The following FOXP1 variants were observed in gnomAD, a reference collection of about 807,000 sequenced individuals.
FOXP1 encodes forkhead box P1.
A neutral mutation model predicts 98.2 loss-of-function variants in FOXP1; 15 were observed. The ratio of observed to expected loss-of-function variants is 0.15; its 90% confidence interval spans 0.10 to 0.24. The LOEUF is 0.24. Among genes scored for constraint, FOXP1 ranks in the 10% least tolerant of loss-of-function variants. FOXP1 has a pLI of 1.00. For synonymous variants in FOXP1, 371 were observed against 314.5 expected (o/e 1.18, Z -1.90); for missense variants, 633 against 848.5 (o/e 0.75, Z 3.15).
chr3:71,354,839 T>C (rs1290385048), intron 4 of FOXP1, among the ~76,000 whole-genome samples: 1 of 152,136 alleles, frequency 6.6e-6, no homozygotes, highest in Non-Finnish European at 1.5e-5. Context: ...AGTGGCTAGG[T>C]AATGCTATTA....
At chr3:71,308,397 G>A (rs2107607308) in intron 4 of FOXP1, among the ~76,000 whole-genome samples, 1 of 152,234 alleles carries the variant, frequency 6.6e-6, no homozygotes, top group East Asian at 1.9e-4. Context: ...GTCCAGATGG[G>A]GACCTTCTAA....
Position 71,001,173 on chromosome 3 carries a change from T to C in FOXP1, c.975-114A>G, listed in dbSNP as rs1313721074. On this transcript the variant is annotated intron_variant, in intron 12 of 20. Coordinates refer to ENST00000649528, the MANE Select transcript of FOXP1 (RefSeq NM_001349338.3). ...AGCGGGTCTAGCTCCCAGGAGATAG[T>C]AGTCCAGGGGGTGGCCTGTCCTTTC... The C allele has an allele frequency of 1.5e-5, 11 of 756,654 alleles. No individual in the cohort carries two copies. The Admixed American group carries it at 2.2e-4, about 15-fold the overall frequency. 46.9% of individuals were successfully genotyped at this position (756,654 alleles called of 1,614,324 possible). A position where few individuals can be genotyped will look rare whatever the true frequency, so the allele number is the denominator to read the frequency against.
At chr3:71,053,517 G>C in intron 8 of FOXP1, 119 bp downstream of exon 8, 2 of 1,249,612 alleles carry the variant, frequency 1.6e-6, no homozygotes, top group Non-Finnish European at 2.3e-6. Flanking sequence ...CCCCACCCAC[G>C]CTGCTTTACT....
rs559622869 is a variant in FOXP1, at chr3:71,182,109, T to C, written c.180+16093A>G. ...TTTTAAAAATCCATACTCTTTTTAT[T>C]GACAGGAAAGTGATTTTTGTCACAA... On this transcript the variant is annotated intron_variant, in intron 6 of 20. Coordinates refer to ENST00000649528, the MANE Select transcript of FOXP1 (RefSeq NM_001349338.3). Among the ~76,000 whole-genome samples the C allele has an allele frequency of 9.2e-5, 14 of 152,250 alleles. 1 individual carries two copies. The South Asian group carries it at 2.9e-3, about 32-fold the overall frequency.
chr3:71,472,799 T>C (rs1420822018), intron 3 of FOXP1, among the ~76,000 whole-genome samples: 1 of 152,234 alleles, frequency 6.6e-6, no homozygotes, highest in Non-Finnish European at 1.5e-5. Context: ...GTCTACATAT[T>C]AACCCCACTT....
intron 13 of FOXP1, among the ~76,000 whole-genome samples, chr3:70,995,846 C>A (rs2041284538): frequency 6.6e-6 from 1 of 152,186 alleles, no homozygotes; most frequent in Non-Finnish European, 1.5e-5. Context: ...CATAAACATT[C>A]TTTCTACCGC....
chr3:71,202,606 C>A (rs553969894), intron 5 of FOXP1, among the ~76,000 whole-genome samples: 1 of 152,136 alleles, frequency 6.6e-6, no homozygotes, highest in Non-Finnish European at 1.5e-5. Flanking sequence ...AAAGCTCAAT[C>A]GGTTAAGGGA....
At chr3:71,285,942 T>C (rs9882424) in intron 5 of FOXP1, among the ~76,000 whole-genome samples, 5,242 of 152,310 alleles carry the variant, frequency 0.034, 299 homozygotes, top group African/African-American at 0.12. Flanking sequence ...TAAAGTCATG[T>C]ATCACTTCAC....
intron 9 of FOXP1, among the ~76,000 whole-genome samples, chr3:71,047,341 C>T (rs550859702): frequency 6.6e-6 from 1 of 152,204 alleles, no homozygotes; most frequent in South Asian, 2.1e-4. Context: ...AGCCAGCTTT[C>T]CCCCCAGTTT....
intron 3 of FOXP1, among the ~76,000 whole-genome samples, chr3:71,451,973 T>A (rs1255032969): frequency 6.6e-6 from 1 of 152,180 alleles, no homozygotes; most frequent in Non-Finnish European, 1.5e-5. Context: ...TAGAGTGCAG[T>A]GTTTCAAGAA....
intron 20 of FOXP1, among the ~76,000 whole-genome samples, chr3:70,965,630 T>C (rs557873844): frequency 6.6e-6 from 1 of 152,274 alleles, no homozygotes; most frequent in African/African-American, 2.4e-5. Flanking sequence ...TGGCCTGGGA[T>C]GTGATAAAGC....
At chr3:71,313,023 T>C (rs1287844555) in intron 4 of FOXP1, among the ~76,000 whole-genome samples, 2 of 151,444 alleles carry the variant, frequency 1.3e-5, no homozygotes, top group Admixed American at 1.3e-4. Context: ...GGAATGTCTT[T>C]GTACAATTGC....
intron 7 of FOXP1, among the ~76,000 whole-genome samples, chr3:71,084,253 TA>T (rs144291838): frequency 2.6e-5 from 4 of 151,792 alleles, no homozygotes; most frequent in African/African-American, 4.8e-5. Context: ...TTTCACCCTC[TA>T]AAAAAAATAA....
intron 6 of FOXP1, among the ~76,000 whole-genome samples, chr3:71,148,105 G>C (rs1372372981): frequency 6.6e-6 from 1 of 152,190 alleles, no homozygotes; most frequent in Non-Finnish European, 1.5e-5. Flanking sequence ...GGCCAGGCAC[G>C]GTGGCTCACG....
intron 11 of FOXP1, among the ~76,000 whole-genome samples, chr3:71,038,260 G>A (rs1483509147): frequency 3.3e-5 from 5 of 152,170 alleles, no homozygotes; most frequent in South Asian, 2.1e-4. Flanking sequence ...TTTTCCCATC[G>A]AGCACCCCCA....
chr3:71,454,067 C>G (rs1053751953), intron 3 of FOXP1, among the ~76,000 whole-genome samples: 3 of 152,150 alleles, frequency 2.0e-5, no homozygotes, highest in African/African-American at 4.8e-5. Flanking sequence ...AAATCCTGAG[C>G]TAGATTGTTA....
chr3:71,501,872 GC>G (rs2041395085), intron 2 of FOXP1, among the ~76,000 whole-genome samples: 1 of 152,134 alleles, frequency 6.6e-6, no homozygotes, highest in Non-Finnish European at 1.5e-5. Context: ...CCTCAAGATG[GC>G]CTTGTCTTTT....
At chr3:71,050,815 G>A (rs572198929) in intron 9 of FOXP1, among the ~76,000 whole-genome samples, 9 of 152,298 alleles carry the variant, frequency 5.9e-5, no homozygotes, top group South Asian at 2.1e-4. Flanking sequence ...ATTTATGGGC[G>A]CATCAAACCA....
At chr3:70,963,944 A>G (rs1399191832) in intron 20 of FOXP1, among the ~76,000 whole-genome samples, 26 of 152,222 alleles carry the variant, frequency 1.7e-4, no homozygotes, top group Admixed American at 1.7e-3. Flanking sequence ...GCCGTGCCGT[A>G]AAGTTTATGG....
Sources: allele counts gnomAD v4.1 joint callset (sites outside exome capture counted in the v4.1 genomes callset), GRCh38; gene constraint gnomAD v4.1.1; transcripts MANE v1.5; gene names NCBI Gene and HGNC (gene_info 2026-07-23, HGNC 2026-07-21).